CRIPT: variants seen among roughly 807,000 people sequenced by gnomAD.
CRIPT encodes the protein cysteine-rich PDZ-binding protein.
CRIPT carries 20 observed loss-of-function variants against 16.6 expected under a neutral mutation model. The ratio of observed to expected loss-of-function variants is 1.20; its 90% CI spans 0.85 to 1.75. CRIPT has a LOEUF of 1.75. Among genes scored for constraint, CRIPT ranks in the 40% most tolerant of loss-of-function variants. CRIPT has a pLI of 0.00. For missense variants in CRIPT, 133 were observed against 115.3 expected, an observed-to-expected ratio of 1.15 and a Z score of -0.70; for synonymous variants, 42 against 37.0, an observed-to-expected ratio of 1.14 and a Z score of -0.49.
At chr2:46,619,426 ATGAT>A (rs1276451100) in intron 2 of CRIPT, among the ~76,000 whole-genome samples, 197 bp from the exon 3 acceptor site, 2 of 152,176 alleles carry the variant, frequency 1.3e-5, no homozygotes, top group African/African-American at 4.8e-5. Flanking sequence ...GAGAAATAAA[ATGAT>A]TGTATTTTAT....
intron 3 of CRIPT, among the ~76,000 whole-genome samples, chr2:46,622,085 T>G (rs1271122427): frequency 6.6e-6 from 1 of 152,202 alleles, no homozygotes; most frequent in Non-Finnish European, 1.5e-5. Flanking sequence ...ATTTCCAAGG[T>G]TAGGCCGGGT....
In CRIPT at chr2:46,618,841, A is replaced by G. The variant is rs778804243; in HGVS notation, c.82+3A>G. 15 of 1,578,722 alleles carry G rather than the reference A, an allele frequency of 9.5e-6. No homozygotes were observed. Among genetic ancestry groups the G allele is most frequent in the Middle Eastern group, 1.7e-4 (1 of 5,880 alleles). On this transcript the variant is annotated splice_donor_region_variant and intron_variant, in intron 2 of 4. Transcript: ENST00000238892. ...AGATGGTGCTAGGAATACCACAGGTATTTCTTCTTTTAGAAAATAGGAATT... is the reference window on the plus strand; with the variant it reads ...AGATGGTGCTAGGAATACCACAGGTGTTTCTTCTTTTAGAAAATAGGAATT...
chr2:46,622,079 C>T (rs914509728), intron 3 of CRIPT, among the ~76,000 whole-genome samples: 1 of 152,124 alleles, frequency 6.6e-6, no homozygotes, highest in African/African-American at 2.4e-5. Context: ...TTTAAGATTT[C>T]CAAGGTTAGG....
chr2:46,623,597 A>G (rs1243361806), intron 3 of CRIPT, among the ~76,000 whole-genome samples, 167 bp from the exon 4 acceptor site: 6 of 152,242 alleles, frequency 3.9e-5, no homozygotes, highest in Non-Finnish European at 5.9e-5. Context: ...GCAGAGATGT[A>G]CAGGCATATC....
chr2:46,618,668 C>T (rs899349075), intron 1 of CRIPT, 105 bp from the exon 2 acceptor site: 29 of 634,130 alleles, frequency 4.6e-5, no homozygotes, highest in African/African-American at 4.2e-4. Context: ...CAGGCTCCTA[C>T]GGTAATACCA....
Position 46,624,824 on chromosome 2 carries a change from A to G in CRIPT, c.*597A>G, listed in dbSNP as rs897095256. The G allele has an allele frequency of 6.6e-6, 1 of 152,190 alleles. No homozygotes were observed. The highest frequency in any genetic ancestry group is 1.5e-5 in the Non-Finnish European group (1 of 68,042). 9.4% of individuals were successfully genotyped at this position (152,190 alleles called of 1,614,324 possible). ...TCTTTAATATGTGACCAAGAACACA[A>G]GGAGCATCCATATGGCCAAATAAAT... On this transcript the variant is annotated 3_prime_UTR_variant, in exon 5 of 5. Coordinates refer to ENST00000238892, the MANE Select transcript of CRIPT (RefSeq NM_014171.6).
At chr2:46,618,640 C>A in intron 1 of CRIPT, 133 bp from the exon 2 acceptor site, 1 of 495,724 alleles carries the variant, frequency 2.0e-6, no homozygotes, top group Non-Finnish European at 3.6e-6. Context: ...AGTTGATTGG[C>A]TGCTCTCCCA....
rs1235808371 is a variant in CRIPT, at chr2:46,625,071, G to GTTA, written c.*846_*847insATT. 1 of 80,250 alleles carries GTTA rather than the reference G, an allele frequency of 1.2e-5. No individual in the cohort carries two copies. The highest frequency in any genetic ancestry group is 2.4e-5 in the Non-Finnish European group (1 of 41,794). The allele number at this position is 80,250 out of a possible 1,614,324, so 5.0% of individuals were successfully genotyped here. A position where few individuals can be genotyped will look rare whatever the true frequency, so the allele number is the denominator to read the frequency against. ...GACTCTCCCTTTTTAAAATTTGTTT[G>GTTA]TTTTTTTTTTTTTTTTTTGGATACA... On this transcript the variant is annotated 3_prime_UTR_variant, in exon 5 of 5. Coordinates refer to ENST00000238892, the MANE Select transcript of CRIPT (RefSeq NM_014171.6).
At chr2:46,624,039 ATAT>A (rs1558719256) in intron 4 of CRIPT, 121 bp from the exon 5 acceptor site, 150 of 381,716 alleles carry the variant, frequency 3.9e-4, no homozygotes, top group Non-Finnish European at 5.4e-4. Context: ...ATATATATAT[ATAT>A]TTTTTTTTTC....
chr2:46,624,155 T>A lies in CRIPT; in HGVS notation c.242-8T>A, dbSNP rs765520450. The A allele has an allele frequency of 1.3e-6, 2 of 1,553,530 alleles. No individual in the cohort carries two copies. The highest frequency in any genetic ancestry group is 2.5e-5 in the South Asian group (2 of 81,444). ...ATTTGATTGATCACATATCTTCTTT[T>A]GTTTCAGGCATCTGTGCGATGTGTG... On this transcript the variant is annotated splice_region_variant and splice_polypyrimidine_tract_variant and intron_variant, in intron 4 of 4. Coordinates refer to ENST00000238892, the MANE Select transcript of CRIPT (RefSeq NM_014171.6).
At chr2:46,617,374 C>T in intron 1 of CRIPT, 76 bp downstream of exon 1, 1 of 1,495,880 alleles carries the variant, frequency 6.7e-7, no homozygotes, top group Non-Finnish European at 9.0e-7. Flanking sequence ...ACTTTGCTTT[C>T]TCGTTGTTTT....
intron 3 of CRIPT, among the ~76,000 whole-genome samples, chr2:46,622,327 G>A (rs905552677): frequency 8.8e-5 from 13 of 148,414 alleles, no homozygotes; most frequent in Admixed American, 4.1e-4. Flanking sequence ...CCGAGATTGC[G>A]CCACTGCATT....
rs1260356414 is a variant in CRIPT, at chr2:46,628,741, C to T, written c.*4514C>T. ...TTCTCTAAATAATAATAATGATGGT[C>T]ATAAATTGAATAGAAGTATTTACTA... On this transcript the variant is annotated 3_prime_UTR_variant, in exon 5 of 5. Coordinates refer to ENST00000238892, the MANE Select transcript of CRIPT (RefSeq NM_014171.6). Among the ~76,000 whole-genome samples, 1 of 151,986 alleles carries T rather than the reference C, an allele frequency of 6.6e-6. No individual in the cohort carries two copies. The highest frequency in any genetic ancestry group is 2.4e-5 in the African/African-American group (1 of 41,354).
At position 46,626,778 on chromosome 2, in the gene CRIPT, GTT is replaced by G. The variant is rs1326037389; in HGVS notation, c.*2552_*2553del. Reference sequence around the variant, plus strand: ...GTATGTTGTCTTTTGAGAAGTGTCTGTTCAAGTCTTTTGGCATTTTTTTAATG... The same window carrying G: ...GTATGTTGTCTTTTGAGAAGTGTCTGCAAGTCTTTTGGCATTTTTTTAATG... On this transcript the variant is annotated 3_prime_UTR_variant, in exon 5 of 5. Transcript: ENST00000238892. Among the ~76,000 whole-genome samples the G allele has an allele frequency of 6.6e-6, 1 of 151,936 alleles. No homozygotes were observed. The highest frequency in any genetic ancestry group is 1.5e-5 in the Non-Finnish European group (1 of 67,966).
intron 2 of CRIPT, among the ~76,000 whole-genome samples, chr2:46,619,397 A>C (rs1572794100): frequency 6.6e-6 from 1 of 151,962 alleles, no homozygotes; most frequent in South Asian, 2.1e-4. Context: ...ACCCATTCCT[A>C]AAGTACTCCC....
chr2:46,619,776 A>G, intron 3 of CRIPT, 95 bp downstream of exon 3: 3 of 964,704 alleles, frequency 3.1e-6, no homozygotes, highest in African/African-American at 1.6e-5. Context: ...TCCATTTGCA[A>G]TAAAACAGAG....
rs1222670817 is a variant in CRIPT, at chr2:46,625,932, T to A, written c.*1705T>A. 1.3e-5 allele frequency among the ~76,000 whole-genome samples: 2 copies of A among 152,228 alleles called. No homozygotes were observed. The highest frequency in any genetic ancestry group is 4.8e-5 in the African/African-American group (2 of 41,466). ...ACTCACATTTCATTTTTTTTGTTGT[T>A]GTTGTTGTTTTTATAATTTCAACTT... On this transcript the variant is annotated 3_prime_UTR_variant, in exon 5 of 5. Transcript: ENST00000238892.
intron 1 of CRIPT, among the ~76,000 whole-genome samples, chr2:46,618,245 G>C (rs1670714663): frequency 6.6e-6 from 1 of 151,592 alleles, no homozygotes. Context: ...TTGGGGGGAA[G>C]GTCTCTGATC....
intron 1 of CRIPT, among the ~76,000 whole-genome samples, chr2:46,618,346 TA>T (rs1283270713): frequency 6.6e-6 from 1 of 152,178 alleles, no homozygotes; most frequent in Non-Finnish European, 1.5e-5. Context: ...CTTGTTCGCA[TA>T]TCTCTTAAGA....
Sources: allele counts gnomAD v4.1 joint callset (sites outside exome capture counted in the v4.1 genomes callset), GRCh38; gene constraint gnomAD v4.1.1; transcripts MANE v1.5; gene names NCBI Gene and HGNC (gene_info 2026-07-23, HGNC 2026-07-21).